MAF: variants seen among roughly 807,000 people sequenced by gnomAD.
The protein encoded by MAF is MAF bZIP transcription factor.
Under a neutral mutation model 22.0 loss-of-function variants are expected in MAF, and 10 were observed. That is an observed-to-expected ratio of 0.45 (90% CI 0.28 to 0.77). MAF has a LOEUF of 0.77. Among genes scored for constraint, MAF ranks in the 30% least tolerant of loss-of-function variants. The pLI is 0.12. For missense variants in MAF, 544 were observed against 548.4 expected, an observed-to-expected ratio of 0.99 and a Z score of 0.08; for synonymous variants, 337 against 255.8, an observed-to-expected ratio of 1.32 and a Z score of -3.03.
At chr16:79,369,495 T>C in the MAF span, among the ~76,000 whole-genome samples, 1 of 152,222 alleles carries the variant, frequency 6.6e-6, no homozygotes, top group South Asian at 2.1e-4. Flanking sequence ...TGATTTCACA[T>C]ATACTAAGAG....
the MAF span, among the ~76,000 whole-genome samples, chr16:79,475,303 G>C: frequency 1.3e-5 from 2 of 150,406 alleles, no homozygotes; most frequent in African/African-American, 2.4e-5. Context: ...TTAATTCTCA[G>C]ACCCACATAT....
At chr16:79,374,676 G>A in the MAF span, among the ~76,000 whole-genome samples, 1 of 152,216 alleles carries the variant, frequency 6.6e-6, no homozygotes, top group Non-Finnish European at 1.5e-5. Flanking sequence ...CGTAATCAAG[G>A]ACAGAATTCT....
At chr16:79,277,825 G>C in the MAF span, among the ~76,000 whole-genome samples, 1 of 152,178 alleles carries the variant, frequency 6.6e-6, no homozygotes, top group South Asian at 2.1e-4. Context: ...GAAGTGAGGA[G>C]AAGCATCTCA....
chr16:79,347,541 C>T, the MAF span, among the ~76,000 whole-genome samples: 1 of 152,204 alleles, frequency 6.6e-6, no homozygotes, highest in African/African-American at 2.4e-5. Flanking sequence ...GGCTCCCAGC[C>T]CTCCCTATTA....
the MAF span, among the ~76,000 whole-genome samples, chr16:79,439,740 G>A: frequency 6.6e-6 from 1 of 152,178 alleles, no homozygotes; most frequent in Non-Finnish European, 1.5e-5. Context: ...GAGGACAGAA[G>A]ATGACAAAGC....
the MAF span, among the ~76,000 whole-genome samples, chr16:79,389,950 A>C: frequency 3.0e-5 from 4 of 131,218 alleles, no homozygotes; most frequent in African/African-American, 1.1e-4. Flanking sequence ...CACCTCCAGC[A>C]CGGGCAACAC....
At chr16:79,365,610 G>A in the MAF span, among the ~76,000 whole-genome samples, 201 of 152,220 alleles carry the variant, frequency 1.3e-3, 1 homozygote, top group African/African-American at 4.6e-3. Flanking sequence ...TGGGGTGTAG[G>A]GGTCTGTGAC....
At chr16:79,484,864 C>T in the MAF span, among the ~76,000 whole-genome samples, 3 of 152,178 alleles carry the variant, frequency 2.0e-5, no homozygotes, top group Admixed American at 6.5e-5. Context: ...GAGAAAGGAC[C>T]TGAAGGTCTG....
At chr16:79,556,957 G>A in the MAF span, among the ~76,000 whole-genome samples, 1 of 149,280 alleles carries the variant, frequency 6.7e-6, no homozygotes, top group Non-Finnish European at 1.5e-5. Flanking sequence ...TACCATCCTT[G>A]TATACATACA....
chr16:79,268,705 T>C, the MAF span, among the ~76,000 whole-genome samples: 4 of 152,064 alleles, frequency 2.6e-5, no homozygotes, highest in Non-Finnish European at 5.9e-5. Context: ...CCAAGAAACA[T>C]TGCAACAGGA....
intron 1 of MAF, chr16:79,586,091 G>T (rs552666904): frequency 1.9e-6 from 1 of 530,800 alleles, no homozygotes; most frequent in Non-Finnish European, 3.3e-6. Context: ...TTGCTTTTGG[G>T]TGGTGGCCTC....
the MAF span, among the ~76,000 whole-genome samples, chr16:79,577,200 G>C: frequency 6.6e-6 from 1 of 152,178 alleles, no homozygotes; most frequent in African/African-American, 2.4e-5. Context: ...CTCCAGCCTT[G>C]ATACTAATCA....
At chr16:79,491,747 C>G in the MAF span, among the ~76,000 whole-genome samples, 2 of 152,180 alleles carry the variant, frequency 1.3e-5, no homozygotes, top group African/African-American at 2.4e-5. Flanking sequence ...TCTAATAAAC[C>G]AAGCCCTGAA....
chr16:79,230,505 G>C, the MAF span, among the ~76,000 whole-genome samples: 2 of 152,266 alleles, frequency 1.3e-5, no homozygotes, highest in African/African-American at 4.8e-5. Context: ...TTCGAAGAAT[G>C]TTTCCAACCT....
At chr16:79,421,915 T>C in the MAF span, among the ~76,000 whole-genome samples, 1 of 152,184 alleles carries the variant, frequency 6.6e-6, no homozygotes, top group African/African-American at 2.4e-5. Context: ...GTAGCTGGGA[T>C]CACAGGCATG....
At chr16:79,504,723 T>C in the MAF span, among the ~76,000 whole-genome samples, 3 of 152,178 alleles carry the variant, frequency 2.0e-5, no homozygotes, top group African/African-American at 7.2e-5. Flanking sequence ...GATGGATGGA[T>C]ATAAAATGAA....
chr16:79,236,900 T>C, the MAF span, among the ~76,000 whole-genome samples: 3 of 150,912 alleles, frequency 2.0e-5, no homozygotes, highest in Admixed American at 2.0e-4. Flanking sequence ...TTAAATTCTT[T>C]AGTGCTTCTA....
At chr16:79,592,119 C>G (rs1053170929), downstream of MAF, among the ~76,000 whole-genome samples, 1 of 152,246 alleles carries the variant, frequency 6.6e-6, no homozygotes, top group Non-Finnish European at 1.5e-5. Context: ...TTGTTTCCCT[C>G]ATTTCTCACC....
At chr16:79,578,741 A>G in the MAF span, among the ~76,000 whole-genome samples, 1 of 152,218 alleles carries the variant, frequency 6.6e-6, no homozygotes, top group Admixed American at 6.5e-5. Flanking sequence ...TATTAATCGC[A>G]AATTACTTTT....
Sources: allele counts gnomAD v4.1 joint callset (sites outside exome capture counted in the v4.1 genomes callset), GRCh38; gene constraint gnomAD v4.1.1; transcripts MANE v1.5; gene names NCBI Gene and HGNC (gene_info 2026-07-23, HGNC 2026-07-21).